PLCL1: variants seen among roughly 807,000 people sequenced by gnomAD.
The protein encoded by PLCL1 is inactive phospholipase C-like protein 1.
Under a neutral mutation model 84.4 loss-of-function variants are expected in PLCL1, and 41 were observed. That is an observed-to-expected ratio of 0.49 (90% CI 0.38 to 0.63). PLCL1 has a LOEUF of 0.63. Ranked by LOEUF, PLCL1 falls within the 30% of genes least tolerant of loss-of-function variation. PLCL1 has a pLI of 0.00. For synonymous variants in PLCL1, 490 were observed against 488.3 expected (o/e 1.00, Z -0.05); for missense variants, 1,206 against 1,367.8 (o/e 0.88, Z 1.87).
chr2:197,983,028 G>A (rs1212241170), intron 1 of PLCL1, among the ~76,000 whole-genome samples: 2 of 151,640 alleles, frequency 1.3e-5, no homozygotes, highest in South Asian at 4.3e-4. Context: ...ATAGATTTTA[G>A]TTCATTATTT....
chr2:198,137,065 T>A (rs1694271471), intron 5 of PLCL1, among the ~76,000 whole-genome samples: 1 of 152,134 alleles, frequency 6.6e-6, no homozygotes, highest in Admixed American at 6.6e-5. Context: ...TTAAGCTAGT[T>A]TTTCTTTTCT....
At position 197,805,164 on chromosome 2, in the gene PLCL1, AC is replaced by A; in HGVS notation, c.70del (p.Arg24GlufsTer11). 1 of 1,296,178 alleles carries A rather than the reference AC, an allele frequency of 7.7e-7. No individual in the cohort carries two copies. 80.3% of individuals were successfully genotyped at this position (1,296,178 alleles called of 1,614,324 possible). On this transcript the variant is annotated frameshift_variant, in exon 1 of 6. Transcript: ENST00000428675. LOFTEE classifies it high-confidence loss of function. This position sits in a 1 kb window ranked among gnomAD's most constrained non-coding sequence, Gnocchi z 4.0. ...APPDAAGGED[D>X]PRVGPDAAGD... ...CCCGACGCGGCGGGGGGCGAAGACG[AC>A]CCCCGAGTGGGCCCGGATGCCGCCG...
intron 1 of PLCL1, among the ~76,000 whole-genome samples, chr2:197,818,889 G>T (rs1690746763): frequency 6.6e-6 from 1 of 152,070 alleles, no homozygotes; most frequent in South Asian, 2.1e-4. Flanking sequence ...CCCACCCAAA[G>T]AGGTTTCTTG....
At chr2:197,976,980 A>T (rs1020748839) in intron 1 of PLCL1, among the ~76,000 whole-genome samples, 5 of 151,734 alleles carry the variant, frequency 3.3e-5, no homozygotes, top group Admixed American at 3.3e-4. Context: ...CTGCCTCTCT[A>T]CTCATGTGGA....
At chr2:198,004,487 G>A (rs1209149212) in intron 1 of PLCL1, among the ~76,000 whole-genome samples, 1 of 152,114 alleles carries the variant, frequency 6.6e-6, no homozygotes, top group Non-Finnish European at 1.5e-5. Context: ...ATTCTAAAGA[G>A]GCTCTGGCTA....
chr2:198,087,607 C>T (rs1268055696), intron 2 of PLCL1, among the ~76,000 whole-genome samples: 1 of 152,040 alleles, frequency 6.6e-6, no homozygotes, highest in African/African-American at 2.4e-5. Flanking sequence ...AAATCCAGGA[C>T]TGCCAGTATT....
chr2:197,913,664 G>C (rs952284817), intron 1 of PLCL1, among the ~76,000 whole-genome samples: 6 of 152,162 alleles, frequency 3.9e-5, no homozygotes, highest in African/African-American at 1.4e-4. Flanking sequence ...AGTCTCAAAT[G>C]ATCAAGGAAG....
At chr2:197,938,472 T>A (rs1689090785) in intron 1 of PLCL1, among the ~76,000 whole-genome samples, 1 of 152,214 alleles carries the variant, frequency 6.6e-6, no homozygotes, top group Non-Finnish European at 1.5e-5. Context: ...AAATAGAGTG[T>A]TTCAGACAAG....
At chr2:198,013,792 A>C (rs947395044) in intron 1 of PLCL1, among the ~76,000 whole-genome samples, 7 of 152,154 alleles carry the variant, frequency 4.6e-5, no homozygotes, top group African/African-American at 2.4e-5. Context: ...TATATAGCTG[A>C]AGTAAATTAA....
intron 1 of PLCL1, among the ~76,000 whole-genome samples, chr2:197,988,363 A>G (rs1339085453): frequency 2.0e-5 from 3 of 152,094 alleles, no homozygotes; most frequent in Non-Finnish European, 2.9e-5. Context: ...AATATGTAGT[A>G]TTATTTATTC....
chr2:197,858,588 T>C (rs1687374696), intron 1 of PLCL1, among the ~76,000 whole-genome samples: 1 of 152,186 alleles, frequency 6.6e-6, no homozygotes. Flanking sequence ...AATGAAAGCT[T>C]CCCAAATTGG....
In PLCL1 at chr2:198,084,092, T is replaced by C; in HGVS notation, c.575T>C (p.Ile192Thr). 6.2e-7 allele frequency: 1 copy of C among 1,614,152 alleles called. No homozygotes were observed. Among genetic ancestry groups the C allele is most frequent in the Middle Eastern group, 1.7e-4 (1 of 6,060 alleles). Residue 192 changes from isoleucine (I) to threonine (T), a missense_variant, in exon 2 of 6, where the codon ATA becomes ACA. Physicochemically the swap from Ile to Thr is moderately conservative, Grantham distance 89. Transcript: ENST00000428675. ...ATCTGTGAGGACTGTGCCTTTTCCATACTCCACGGGGAAAACTATGAGTCT... is the reference window on the plus strand; with the variant it reads ...ATCTGTGAGGACTGTGCCTTTTCCACACTCCACGGGGAAAACTATGAGTCT... ...DQICEDCAFS[I>T]LHGENYESLD...
intron 1 of PLCL1, among the ~76,000 whole-genome samples, chr2:197,986,930 TAAC>T (rs745674332): frequency 2.5e-4 from 38 of 152,310 alleles, no homozygotes; most frequent in Non-Finnish European, 4.0e-4. Flanking sequence ...TTCATACTGA[TAAC>T]AACTTCAGGT....
intron 3 of PLCL1, among the ~76,000 whole-genome samples, chr2:198,098,595 T>A (rs572091837): frequency 2.6e-5 from 4 of 152,316 alleles, no homozygotes; most frequent in Admixed American, 1.3e-4. Context: ...TGGTTGTCCA[T>A]GATAGACTGT....
At chr2:198,059,752 T>C (rs1692148610) in intron 1 of PLCL1, among the ~76,000 whole-genome samples, 1 of 152,002 alleles carries the variant, frequency 6.6e-6, no homozygotes, top group African/African-American at 2.4e-5. Context: ...TTGGGAAAGG[T>C]TCTGAATTCT....
In PLCL1 at chr2:198,046,602, C is replaced by T. The variant is rs576398965; in HGVS notation, c.241-37156C>T. 3.9e-5 allele frequency among the ~76,000 whole-genome samples: 6 copies of T among 152,278 alleles called. No individual in the cohort carries two copies. The East Asian group carries it at 9.7e-4, about 25-fold the overall frequency. The stretch of plus-strand genomic sequence containing the variant: ...CCTGTAATCCCAGCAGTTTGGGAGG[C>T]CCAGGCAGGTGGATCACTTGAGCTC... On this transcript the variant is annotated intron_variant, in intron 1 of 5. Coordinates refer to ENST00000428675, the MANE Select transcript of PLCL1 (RefSeq NM_006226.4).
At chr2:198,076,729 A>G (rs906487402) in intron 1 of PLCL1, among the ~76,000 whole-genome samples, 2 of 152,208 alleles carry the variant, frequency 1.3e-5, no homozygotes, top group African/African-American at 4.8e-5. Flanking sequence ...GCATTAAGTA[A>G]CTGGAGTTGA....
chr2:197,884,700 C>A (rs773505234), intron 1 of PLCL1, among the ~76,000 whole-genome samples: 1 of 152,152 alleles, frequency 6.6e-6, no homozygotes, highest in Non-Finnish European at 1.5e-5. Context: ...TGCAAATTAG[C>A]AGCAATCCCA....
intron 1 of PLCL1, among the ~76,000 whole-genome samples, chr2:197,892,848 C>A (rs1178402980): frequency 6.6e-6 from 1 of 152,026 alleles, no homozygotes; most frequent in African/African-American, 2.4e-5. Flanking sequence ...CAAAAATTAG[C>A]TGGGTGTGTG....
Sources: allele counts gnomAD v4.1 joint callset (sites outside exome capture counted in the v4.1 genomes callset), GRCh38; gene constraint gnomAD v4.1.1; non-coding constraint Gnocchi (gnomAD v3.1); transcripts MANE v1.5; gene names NCBI Gene and HGNC (gene_info 2026-07-23, HGNC 2026-07-21).